The following TRABD2A variants were observed in gnomAD, a reference collection of about 807,000 sequenced individuals.
TRABD2A encodes TraB domain containing 2A.
Under a neutral mutation model 45.6 loss-of-function variants are expected in TRABD2A, and 43 were observed. That is an observed-to-expected ratio of 0.94 (90% CI 0.74 to 1.22). The LOEUF (loss-of-function observed/expected upper bound fraction) is 1.22, where lower values mean the gene tolerates loss of function less well. TRABD2A is among the 50% of genes most tolerant of loss of function. The probability of loss-of-function intolerance (pLI) is 0.00; values close to 1 mark genes in which losing one functional copy is unlikely to be tolerated. For synonymous variants in TRABD2A, 269 were observed against 265.0 expected, an observed-to-expected ratio of 1.02 and a Z score of -0.15; for missense variants, 642 against 652.4, an observed-to-expected ratio of 0.98 and a Z score of 0.17.
chr2:84,876,950 A>C (rs1683042567), intron 1 of TRABD2A, among the ~76,000 whole-genome samples: 1 of 152,184 alleles, frequency 6.6e-6, no homozygotes, highest in African/African-American at 2.4e-5. Context: ...TCATATCCCC[A>C]AATACTGAAA....
chr2:84,829,258 G>A (rs534781079), intron 5 of TRABD2A, among the ~76,000 whole-genome samples: 8 of 151,906 alleles, frequency 5.3e-5, no homozygotes, highest in Middle Eastern at 3.4e-3. Flanking sequence ...ACTGGGCATC[G>A]GAATCTCCTA....
chr2:84,841,944 T>A lies in TRABD2A; in HGVS notation c.733A>T (p.Ile245Phe). Reference protein sequence around the residue: ...QESLRAGSLQIPYTTEDLIKH... With the variant: ...QESLRAGSLQFPYTTEDLIKH... The stretch of plus-strand genomic sequence containing the variant: ...ATGAGATCCTCCGTCGTGTAGGGGA[T>A]CTGAAGACTGCCTGCTCGCAGGCTT... The change falls in exon 3 of 7, where the codon ATC becomes TTC. Residue 245 changes from isoleucine (I) to phenylalanine (F), a missense_variant. Transcript: ENST00000409520. 1.3e-6 allele frequency: 2 copies of A among 1,541,656 alleles called. No individual in the cohort carries two copies. Among genetic ancestry groups the A allele is most frequent in the Non-Finnish European group, 1.7e-6 (2 of 1,143,520 alleles).
chr2:84,856,230 C>A (rs1465803639), intron 2 of TRABD2A, among the ~76,000 whole-genome samples: 1 of 152,096 alleles, frequency 6.6e-6, no homozygotes, highest in Non-Finnish European at 1.5e-5. Context: ...TGGTCCTTGC[C>A]TCCCCACCTC....
intron 5 of TRABD2A, among the ~76,000 whole-genome samples, chr2:84,824,546 CTTTTTTT>C (rs33984190): frequency 1.6e-4 from 17 of 106,116 alleles, no homozygotes; most frequent in African/African-American, 3.9e-4. Context: ...ACAATTATAG[CTTTTTTT>C]TTTTTTTTTT....
chr2:84,860,500 AGCCTCTAGAATCAT>A (rs1160932850), intron 2 of TRABD2A, among the ~76,000 whole-genome samples: 2 of 152,236 alleles, frequency 1.3e-5, no homozygotes, highest in Non-Finnish European at 2.9e-5. Flanking sequence ...TCAGACTTCT[AGCCTCTAGAATCAT>A]GAGGCCGACA....
chr2:84,877,434 C>A (rs1683062936), intron 1 of TRABD2A, among the ~76,000 whole-genome samples: 1 of 152,100 alleles, frequency 6.6e-6, no homozygotes, highest in Non-Finnish European at 1.5e-5. Flanking sequence ...TAACTTGTTG[C>A]AACTGTTCCC....
At chr2:84,845,037 T>G (rs181737463) in intron 2 of TRABD2A, among the ~76,000 whole-genome samples, 1 of 152,214 alleles carries the variant, frequency 6.6e-6, no homozygotes, top group Non-Finnish European at 1.5e-5. Flanking sequence ...AGACTGTGTA[T>G]GGGCCACATC....
At chr2:84,847,792 A>G (rs1681948386) in intron 2 of TRABD2A, among the ~76,000 whole-genome samples, 1 of 152,226 alleles carries the variant, frequency 6.6e-6, no homozygotes, top group African/African-American at 2.4e-5. Context: ...AGCTTAAACA[A>G]CAGAATTGTA....
intron 2 of TRABD2A, among the ~76,000 whole-genome samples, chr2:84,861,932 T>C (rs1356917915): frequency 6.6e-6 from 1 of 152,170 alleles, no homozygotes; most frequent in Non-Finnish European, 1.5e-5. Context: ...AAGCTCTAAA[T>C]GACTGTGAAT....
intron 2 of TRABD2A, among the ~76,000 whole-genome samples, chr2:84,855,332 G>A (rs1011620437): frequency 2.6e-5 from 4 of 151,970 alleles, no homozygotes; most frequent in African/African-American, 7.3e-5. Context: ...CATTTCCTAC[G>A]GTGCAAAAAC....
chr2:84,853,025 C>G (rs557188489), intron 2 of TRABD2A, among the ~76,000 whole-genome samples: 1 of 152,062 alleles, frequency 6.6e-6, no homozygotes, highest in Non-Finnish European at 1.5e-5. Context: ...ATATGTTCAT[C>G]CTAACCCCCA....
At chr2:84,822,920 A>G (rs1681039579) in intron 6 of TRABD2A, among the ~76,000 whole-genome samples, 1 of 152,308 alleles carries the variant, frequency 6.6e-6, no homozygotes, top group African/African-American at 2.4e-5. Context: ...TCCAGCCAGA[A>G]TTACTTTATC....
At position 84,870,580 on chromosome 2, in the gene TRABD2A, A is replaced by G; in HGVS notation, c.314T>C (p.Leu105Pro). Residue 105 changes from leucine to proline, a missense_variant, in exon 2 of 7, where the codon CTG becomes CCG. Coordinates refer to ENST00000409520, the MANE Select transcript of TRABD2A (RefSeq NM_001277053.2). ...ATCTTGGAGGTTCTCGCCCTGTGGC[A>G]GCATCTGACAGCTGGTGAGAGCTGA... The part of the protein sequence containing the change: ...TISALTSCQM[L>P]PQGENLQDVL... 6.2e-7 allele frequency: 1 copy of G among 1,613,732 alleles called. No homozygotes were observed. Among genetic ancestry groups the G allele is most frequent in the Non-Finnish European group, 8.5e-7 (1 of 1,179,778 alleles).
intron 2 of TRABD2A, 155 bp from the exon 3 acceptor site, chr2:84,842,162 A>G (rs917933511): frequency 2.7e-5 from 21 of 770,098 alleles, no homozygotes; most frequent in Non-Finnish European, 3.6e-5. Flanking sequence ...ATCCCTGGAC[A>G]GCATCCAAAG....
At chr2:84,873,984 T>A (rs1038126575) in intron 1 of TRABD2A, among the ~76,000 whole-genome samples, 1 of 152,162 alleles carries the variant, frequency 6.6e-6, no homozygotes, top group Non-Finnish European at 1.5e-5. Flanking sequence ...GACACCATCA[T>A]GTTAAACAAA....
At chr2:84,874,592 AC>A (rs1208083377) in intron 1 of TRABD2A, 1 of 153,414 alleles carries the variant, frequency 6.5e-6, no homozygotes, top group African/African-American at 2.4e-5. Context: ...TTCATCTGAC[AC>A]CAGCCGACTT....
chr2:84,880,827 G>GA, intron 1 of TRABD2A, 105 bp downstream of exon 1: 2 of 1,500,300 alleles, frequency 1.3e-6, no homozygotes, highest in South Asian at 2.5e-5. Context: ...CCCAGCCGCG[G>GA]AAGTCGGCTC....
chr2:84,866,150 G>A (rs1018572499), intron 2 of TRABD2A, among the ~76,000 whole-genome samples: 1 of 152,178 alleles, frequency 6.6e-6, no homozygotes, highest in Non-Finnish European at 1.5e-5. Flanking sequence ...AGGCAGATGA[G>A]TTAAAAGAAG....
Position 84,870,450 on chromosome 2 carries a change from G to T in TRABD2A, c.444C>A (p.Tyr148Ter), listed in dbSNP as rs371560834. The change falls in exon 2 of 7, where the codon TAC becomes TAA. Residue 148 changes from tyrosine (Y) to a stop codon, truncating the protein, a stop_gained. Transcript: ENST00000409520. LOFTEE classifies it high-confidence loss of function. ...CAATAGCATTGAAGAGGTAGTCTGCGTAGAGCCCCTTGCCGCGCTGGTCTG... is the reference window on the plus strand; with the variant it reads ...CAATAGCATTGAAGAGGTAGTCTGCTTAGAGCCCCTTGCCGCGCTGGTCTG... The part of the protein sequence containing the change: ...MTPDQRGKGL[Y>*]ADYLFNAIAG... The T allele has an allele frequency of 1.2e-6, 2 of 1,614,042 alleles. No homozygotes were observed. The highest frequency in any genetic ancestry group is 8.5e-7 in the Non-Finnish European group (1 of 1,179,906).
Sources: gnomAD v4.1 joint callset for allele counts (sites outside exome capture counted in the v4.1 genomes callset) on GRCh38, gnomAD v4.1.1 for gene constraint, MANE v1.5 for transcripts, NCBI Gene and HGNC (gene_info 2026-07-23, HGNC 2026-07-21) for gene names.